NUMB: variants seen among roughly 807,000 people sequenced by gnomAD.
NUMB encodes the protein protein numb homolog.
In NUMB, 29 loss-of-function variants were observed where a neutral mutation model predicts 59.7. The ratio of observed to expected loss-of-function variants is 0.49; its 90% CI spans 0.36 to 0.66. The LOEUF is 0.66. NUMB is among the 30% of genes least tolerant of loss of function. The pLI, the probability that NUMB is intolerant of heterozygous loss-of-function variation, is 0.00. For synonymous variants in NUMB, 288 were observed against 288.2 expected (o/e 1.00, Z 0.01); for missense variants, 723 against 822.0 (o/e 0.88, Z 1.47).
intron 2 of NUMB, among the ~76,000 whole-genome samples, chr14:73,373,612 G>C (rs1385212633): frequency 6.6e-6 from 1 of 151,622 alleles, no homozygotes; most frequent in Admixed American, 6.6e-5. Context: ...TTTTGAACAA[G>C]GTAAAGGAGT....
At chr14:73,434,357 T>C (rs1897959771) in intron 1 of NUMB, among the ~76,000 whole-genome samples, 1 of 152,180 alleles carries the variant, frequency 6.6e-6, no homozygotes, top group Non-Finnish European at 1.5e-5. Context: ...ACAGGAGTTA[T>C]CATGAGGATT....
chr14:73,300,859 A>AGT (rs977223505), intron 6 of NUMB, among the ~76,000 whole-genome samples: 1 of 152,008 alleles, frequency 6.6e-6, no homozygotes, highest in African/African-American at 2.4e-5. Flanking sequence ...CCTGTGTCCA[A>AGT]GTGTTCTCAT....
chr14:73,318,921 A>C (rs1891235368), intron 5 of NUMB, among the ~76,000 whole-genome samples: 1 of 152,222 alleles, frequency 6.6e-6, no homozygotes, highest in Non-Finnish European at 1.5e-5. Context: ...ATTGTAAGAG[A>C]GTATTTTGGT....
chr14:73,374,442 G>A (rs1894851146), intron 2 of NUMB, among the ~76,000 whole-genome samples: 1 of 152,196 alleles, frequency 6.6e-6, no homozygotes, highest in Non-Finnish European at 1.5e-5. Context: ...CCACAGGAAA[G>A]AAAGACATAA....
intron 2 of NUMB, among the ~76,000 whole-genome samples, chr14:73,390,531 G>A (rs1432956759): frequency 6.7e-6 from 1 of 148,174 alleles, no homozygotes; most frequent in Non-Finnish European, 1.5e-5. Context: ...AAAGTCAGAT[G>A]TTCCCCCCAC....
intron 2 of NUMB, among the ~76,000 whole-genome samples, chr14:73,380,793 C>T (rs1157316144): frequency 6.8e-6 from 1 of 147,162 alleles, no homozygotes; most frequent in Non-Finnish European, 1.5e-5. Context: ...GGCACGATCT[C>T]CGCTCACTGC....
intron 4 of NUMB, among the ~76,000 whole-genome samples, chr14:73,339,346 AC>A (rs1892511384): frequency 6.6e-6 from 1 of 152,092 alleles, no homozygotes; most frequent in African/African-American, 2.4e-5. Flanking sequence ...CTCTGCCTGT[AC>A]CTTTTGCTCT....
chr14:73,390,244 G>A (rs1047653621), intron 2 of NUMB, among the ~76,000 whole-genome samples: 9 of 152,028 alleles, frequency 5.9e-5, no homozygotes, highest in South Asian at 2.1e-4. Context: ...TCTAAACCAC[G>A]GCATACAATG....
intron 1 of NUMB, among the ~76,000 whole-genome samples, chr14:73,447,420 G>A (rs189785917): frequency 9.9e-5 from 15 of 152,174 alleles, no homozygotes; most frequent in Admixed American, 1.3e-4. Context: ...CCCAAGAGGT[G>A]GAGGTTGCCA....
chr14:73,283,891 G>T (rs1356556140), intron 10 of NUMB, among the ~76,000 whole-genome samples, 190 bp downstream of exon 10: 1 of 152,162 alleles, frequency 6.6e-6, no homozygotes, highest in African/African-American at 2.4e-5. Context: ...TTGTTGAAGA[G>T]AAATTATGGA....
chr14:73,342,296 C>T (rs1208578027), intron 4 of NUMB, among the ~76,000 whole-genome samples: 1 of 152,226 alleles, frequency 6.6e-6, no homozygotes, highest in Non-Finnish European at 1.5e-5. Flanking sequence ...ATCTGCTCAA[C>T]CAACTGTAAC....
chr14:73,336,646 A>G (rs890692154), intron 4 of NUMB, among the ~76,000 whole-genome samples: 1 of 152,202 alleles, frequency 6.6e-6, no homozygotes, highest in African/African-American at 2.4e-5. Context: ...ATGGAAGTAA[A>G]TCAGAGGAAG....
intron 7 of NUMB, among the ~76,000 whole-genome samples, chr14:73,294,523 C>G (rs963313530): frequency 6.6e-6 from 1 of 151,852 alleles, no homozygotes; most frequent in East Asian, 2.0e-4. Flanking sequence ...TCTCTTTTTA[C>G]TTTCTTTTTT....
At chr14:73,300,472 G>A (rs1890068343) in intron 6 of NUMB, among the ~76,000 whole-genome samples, 1 of 152,174 alleles carries the variant, frequency 6.6e-6, no homozygotes, top group Non-Finnish European at 1.5e-5. Context: ...AAATATTAAA[G>A]ATTTAGAACA....
At chr14:73,386,717 T>A (rs1397822458) in intron 2 of NUMB, among the ~76,000 whole-genome samples, 1 of 152,120 alleles carries the variant, frequency 6.6e-6, no homozygotes. Context: ...TTCTATATAG[T>A]GAAGTCTAAA....
intron 3 of NUMB, among the ~76,000 whole-genome samples, chr14:73,363,986 TA>T (rs1454789992): frequency 6.6e-6 from 1 of 152,150 alleles, no homozygotes; most frequent in Non-Finnish European, 1.5e-5. Flanking sequence ...TCCAACTGTA[TA>T]TTTTTTTCTA....
At chr14:73,417,733 A>G (rs1490202680) in intron 1 of NUMB, among the ~76,000 whole-genome samples, 2 of 152,222 alleles carry the variant, frequency 1.3e-5, no homozygotes, top group African/African-American at 4.8e-5. Context: ...TTTGTACACC[A>G]ATATTCAAGG....
rs189417498 is a variant in NUMB, at chr14:73,319,379, A to G, written c.202-2957T>C. Among the ~76,000 whole-genome samples, 14 of 152,332 alleles carry G rather than the reference A, an allele frequency of 9.2e-5. No individual in the cohort carries two copies. The South Asian group carries it at 1.7e-3, about 18-fold the overall frequency. ...TAGCTGCCTTCCAAAGATCATTCAC[A>G]TGGTAGGTTTAAAATGCTTGTTTTG... On this transcript the variant is annotated intron_variant, in intron 5 of 12. Transcript: ENST00000555238.
At chr14:73,408,418 A>G (rs943910832) in intron 2 of NUMB, among the ~76,000 whole-genome samples, 3 of 152,150 alleles carry the variant, frequency 2.0e-5, no homozygotes, top group African/African-American at 7.2e-5. Context: ...TAATTATCAA[A>G]TTATTCAAAC....
Sources: allele counts gnomAD v4.1 joint callset (sites outside exome capture counted in the v4.1 genomes callset), GRCh38; gene constraint gnomAD v4.1.1; transcripts MANE v1.5; gene names NCBI Gene and HGNC (gene_info 2026-07-23, HGNC 2026-07-21).